The following INPP5A variants were observed in gnomAD, a reference collection of about 807,000 sequenced individuals.
INPP5A encodes 43 kDa inositol polyphosphate 5-phophatase.
In INPP5A, 14 loss-of-function variants were observed where a neutral mutation model predicts 65.2. That is an observed-to-expected ratio of 0.21 (90% CI 0.14 to 0.34). The LOEUF (loss-of-function observed/expected upper bound fraction) is 0.34, where lower values mean the gene tolerates loss of function less well. Among genes scored for constraint, INPP5A ranks in the 10% least tolerant of loss-of-function variants. The pLI, the probability that INPP5A is intolerant of heterozygous loss-of-function variation, is 1.00. For synonymous variants in INPP5A, 207 were observed against 208.3 expected, an observed-to-expected ratio of 0.99 and a Z score of 0.05; for missense variants, 431 against 545.6, an observed-to-expected ratio of 0.79 and a Z score of 2.09.
intron 2 of INPP5A, among the ~76,000 whole-genome samples, chr10:132,645,088 A>G (rs146161603): frequency 7.9e-4 from 120 of 152,206 alleles, no homozygotes; most frequent in African/African-American, 2.8e-3. Context: ...TGACAAGGAT[A>G]TTTGTTGCAC....
intron 12 of INPP5A, among the ~76,000 whole-genome samples, chr10:132,776,921 C>T (rs977797838): frequency 3.3e-5 from 5 of 152,160 alleles, no homozygotes; most frequent in Non-Finnish European, 5.9e-5. Context: ...GCCAATGGCT[C>T]AGAGACACAG....
intron 8 of INPP5A, among the ~76,000 whole-genome samples, chr10:132,720,750 A>T (rs950146474): frequency 1.3e-5 from 2 of 150,566 alleles, no homozygotes; most frequent in African/African-American, 4.9e-5. Context: ...TGGGCGCCTT[A>T]GACGGCTGTC....
chr10:132,640,447 G>A (rs954384755), intron 2 of INPP5A, among the ~76,000 whole-genome samples: 1 of 152,266 alleles, frequency 6.6e-6, no homozygotes, highest in South Asian at 2.1e-4. Flanking sequence ...GCCAGAGAGA[G>A]GGTGGGGTTT....
In INPP5A at chr10:132,735,406, C is replaced by T. The variant is rs549474938; in HGVS notation, c.732+8501C>T. On this transcript the variant is annotated intron_variant, in intron 9 of 15. Transcript: ENST00000368594. ...AAGCCGTGTTTATCACAGTGCAGAG[C>T]GTCTTGCCTGATGGAGTGTTCTGGG... 6.6e-5 allele frequency among the ~76,000 whole-genome samples: 10 copies of T among 152,356 alleles called. No homozygotes were observed. In the East Asian group the frequency reaches 1.5e-3, roughly 23 times the overall value.
In INPP5A at chr10:132,765,834, C is replaced by T. The variant is rs143365130; in HGVS notation, c.965C>T (p.Ser322Leu). The T allele has an allele frequency of 1.0e-4, 166 of 1,595,734 alleles. 1 individual carries two copies. The African/African-American group carries it at 2.0e-3, about 19-fold the overall frequency. ...GACAGACTGTATGAACTGGACATCT[C>T]GTTCCCTCCCAGGTATGGAACATGC... The part of the protein sequence containing the change: ...FKDRLYELDI[S>L]FPPSYPYSED... Residue 322 changes from serine to leucine, a missense_variant, in exon 12 of 16, where the codon TCG becomes TTG. Physicochemically the swap from Ser to Leu is moderately radical, Grantham distance 145 (BLOSUM62 -2). Coordinates refer to ENST00000368594, the MANE Select transcript of INPP5A (RefSeq NM_005539.5).
chr10:132,655,875 G>A (rs952278434), intron 4 of INPP5A, among the ~76,000 whole-genome samples: 1 of 152,252 alleles, frequency 6.6e-6, no homozygotes, highest in African/African-American at 2.4e-5. Context: ...GAGAGGCTGC[G>A]TGGGGCTGCA....
chr10:132,663,921 C>T lies in INPP5A; in HGVS notation c.306+13416C>T, dbSNP rs545959779. Among the ~76,000 whole-genome samples, 14 of 152,336 alleles carry T rather than the reference C, an allele frequency of 9.2e-5. No homozygotes were observed. Among genetic ancestry groups the T allele is most frequent in the East Asian group, 1.9e-4 (1 of 5,184 alleles). ...TGGGCCAAGGTGCCTCGTGGGCAGC[C>T]GATCCATCAGGCGGCCGACAGGCGT... is the stretch of plus-strand genomic sequence containing the variant. On this transcript the variant is annotated intron_variant, in intron 4 of 15. Coordinates refer to ENST00000368594, the MANE Select transcript of INPP5A (RefSeq NM_005539.5). The surrounding 1 kb of genome is among the most constrained non-coding windows in gnomAD (Gnocchi z 4.5).
At position 132,545,190 on chromosome 10, in the gene INPP5A, T is replaced by C. The variant is rs2070954008; in HGVS notation, c.75+7019T>C. On this transcript the variant is annotated intron_variant, in intron 1 of 15. Coordinates refer to ENST00000368594, the MANE Select transcript of INPP5A (RefSeq NM_005539.5). This position sits in a 1 kb window ranked among gnomAD's most constrained non-coding sequence, Gnocchi z 4.6. ...CTGGGATGGCTGTGCTCGGTGGGGG[T>C]CTGATTTTGGGGGAAGAGGCTGGTA... Among the ~76,000 whole-genome samples the C allele has an allele frequency of 6.7e-6, 1 of 148,800 alleles. No homozygotes were observed. The highest frequency in any genetic ancestry group is 1.5e-5 in the Non-Finnish European group (1 of 67,074).
At chr10:132,573,489 A>C in intron 1 of INPP5A, among the ~76,000 whole-genome samples, 1 of 81,590 alleles carries the variant, frequency 1.2e-5, no homozygotes, top group East Asian at 3.9e-4. Flanking sequence ...GTGCCGTGTG[A>C]GGTTTTGTTG....
At chr10:132,540,495 C>G (rs1405839834) in intron 1 of INPP5A, among the ~76,000 whole-genome samples, 1 of 152,220 alleles carries the variant, frequency 6.6e-6, no homozygotes, top group African/African-American at 2.4e-5. Context: ...CTGAAGATTT[C>G]TTAATGTGTG....
chr10:132,562,997 T>C (rs906974740), intron 1 of INPP5A, among the ~76,000 whole-genome samples: 101 of 152,178 alleles, frequency 6.6e-4, no homozygotes, highest in Middle Eastern at 3.4e-3. Flanking sequence ...GGGAGGGTTG[T>C]GGGGAGGGCG....
chr10:132,779,739 CG>C (rs1184321655), intron 13 of INPP5A, among the ~76,000 whole-genome samples: 1 of 152,226 alleles, frequency 6.6e-6, no homozygotes, highest in African/African-American at 2.4e-5. Flanking sequence ...AGACGGGCGC[CG>C]GGCGCGCTCC....
intron 4 of INPP5A, among the ~76,000 whole-genome samples, chr10:132,670,478 C>T (rs1045371799): frequency 2.1e-5 from 3 of 141,400 alleles, no homozygotes; most frequent in Middle Eastern, 7.0e-3. Context: ...TCAGCCTCTC[C>T]TCTGCTGTAG....
chr10:132,544,407 G>A (rs564724880), intron 1 of INPP5A, among the ~76,000 whole-genome samples: 1 of 152,192 alleles, frequency 6.6e-6, no homozygotes, highest in East Asian at 1.9e-4. Flanking sequence ...GCCCCGGTGC[G>A]GCAATGGGCG....
chr10:132,654,843 G>C (rs1203341809), intron 4 of INPP5A, among the ~76,000 whole-genome samples: 1 of 152,392 alleles, frequency 6.6e-6, no homozygotes, highest in East Asian at 1.9e-4. Context: ...GAGCCTGTGG[G>C]GGGGACGCGG....
chr10:132,611,255 G>A (rs531484825), intron 2 of INPP5A, among the ~76,000 whole-genome samples: 95 of 145,042 alleles, frequency 6.5e-4, no homozygotes, highest in African/African-American at 2.3e-3. Context: ...GGTGGGCAGG[G>A]GAGAGGCCCT....
In INPP5A at chr10:132,650,884, GC is replaced by G. The variant is rs2072567808; in HGVS notation, c.306+382del. On this transcript the variant is annotated intron_variant, in intron 4 of 15. Coordinates refer to ENST00000368594, the MANE Select transcript of INPP5A (RefSeq NM_005539.5). This position sits in a 1 kb window ranked among gnomAD's most constrained non-coding sequence, Gnocchi z 5.5. ...ATTGCTTCAAGAGCCACCGTCGCCA[GC>G]CCTGCTCCCATGCTGGGTCCGTCCC... Among the ~76,000 whole-genome samples, 1 of 152,224 alleles carries G rather than the reference GC, an allele frequency of 6.6e-6. No individual in the cohort carries two copies. The highest frequency in any genetic ancestry group is 2.4e-5 in the African/African-American group (1 of 41,464).
At chr10:132,773,052 G>A (rs895961427) in intron 12 of INPP5A, among the ~76,000 whole-genome samples, 8 of 152,246 alleles carry the variant, frequency 5.3e-5, no homozygotes, top group African/African-American at 9.6e-5. Context: ...TACTGCAGGC[G>A]GGGAATCACC....
At chr10:132,686,496 G>A (rs763006594) in intron 4 of INPP5A, among the ~76,000 whole-genome samples, 25 of 152,178 alleles carry the variant, frequency 1.6e-4, no homozygotes, top group Non-Finnish European at 3.4e-4. Context: ...CCCCGGACAC[G>A]CTCCTGGCCC....
Sources: allele counts gnomAD v4.1 joint callset (sites outside exome capture counted in the v4.1 genomes callset), GRCh38; gene constraint gnomAD v4.1.1; non-coding constraint Gnocchi (gnomAD v3.1); transcripts MANE v1.5; gene names NCBI Gene and HGNC (gene_info 2026-07-23, HGNC 2026-07-21).